The following METTL16 variants were observed in gnomAD, a reference collection of about 807,000 sequenced individuals.
METTL16 encodes the protein RNA N(6)-adenosine-methyltransferase METTL16.
Under a neutral mutation model 57.9 loss-of-function variants are expected in METTL16, and 19 were observed. The ratio of observed to expected loss-of-function variants is 0.33; its 90% CI spans 0.23 to 0.48. The LOEUF is 0.48. METTL16 is among the 20% of genes least tolerant of loss of function. The pLI, the probability that METTL16 is intolerant of heterozygous loss-of-function variation, is 0.99. For synonymous variants in METTL16, 246 were observed against 255.6 expected (o/e 0.96, Z 0.36); for missense variants, 434 against 691.5 (o/e 0.63, Z 4.18).
rs911702852 is a variant in METTL16, at chr17:2,497,815, C to A, written c.128+4389G>T. Among the ~76,000 whole-genome samples, 21 of 151,436 alleles carry A rather than the reference C, an allele frequency of 1.4e-4. 1 individual carries two copies. Among genetic ancestry groups the A allele is most frequent in the Admixed American group, 1.0e-3 (16 of 15,240 alleles). On this transcript the variant is annotated intron_variant, in intron 2 of 9. Transcript: ENST00000263092. ...GATCATGGTTCACTGCAGCCTTGACCCCCTGGGCTCAAGCAGTCCTCCTGC... is the reference window on the plus strand; with the variant it reads ...GATCATGGTTCACTGCAGCCTTGACACCCTGGGCTCAAGCAGTCCTCCTGC...
chr17:2,454,568 T>TA (rs1291489353), intron 6 of METTL16, among the ~76,000 whole-genome samples: 1 of 146,676 alleles, frequency 6.8e-6, no homozygotes, highest in Non-Finnish European at 1.5e-5. Context: ...TTATTATTTT[T>TA]TTTTTTTTTT....
Position 2,442,393 on chromosome 17 carries a change from T to A in METTL16, c.729-834A>T, listed in dbSNP as rs571190421. On this transcript the variant is annotated intron_variant, in intron 6 of 9. Coordinates refer to ENST00000263092, the MANE Select transcript of METTL16 (RefSeq NM_024086.4). ...ATTCAAACACAGTCCAACGTCTTGC[T>A]GAGTTGATGAGACACAGATCAAAGT... is the stretch of plus-strand genomic sequence containing the variant. Among the ~76,000 whole-genome samples the A allele has an allele frequency of 3.3e-5, 5 of 152,174 alleles. No homozygotes were observed. In the South Asian group the frequency reaches 1.0e-3, roughly 32 times the overall value.
chr17:2,470,724 T>C (rs1597459755), intron 4 of METTL16, among the ~76,000 whole-genome samples: 1 of 152,274 alleles, frequency 6.6e-6, no homozygotes, highest in African/African-American at 2.4e-5. Context: ...GGCTGGATGA[T>C]TACCTGAACA....
rs1015994601 is a variant in METTL16 at position 2,416,217 on chromosome 17, G to A, written c.*3753C>T. The A allele has an allele frequency of 5.9e-5, 9 of 152,264 alleles. No individual in the cohort carries two copies. The East Asian group carries it at 1.4e-3, about 23-fold the overall frequency. The allele number at this position is 152,264 out of a possible 1,614,324, so 9.4% of individuals were successfully genotyped here. A position where few individuals can be genotyped will look rare whatever the true frequency, so the allele number is the denominator to read the frequency against. Reference sequence around the variant, plus strand: ...AAGGCGCTTTGATAAAAGGGCCAAGGGTGCCCTCGTGTGGCCACGGAGGGA... The same window carrying A: ...AAGGCGCTTTGATAAAAGGGCCAAGAGTGCCCTCGTGTGGCCACGGAGGGA... On this transcript the variant is annotated 3_prime_UTR_variant, in exon 10 of 10. Transcript: ENST00000263092.
chr17:2,472,085 G>A (rs979343746), intron 4 of METTL16, among the ~76,000 whole-genome samples: 1 of 151,158 alleles, frequency 6.6e-6, no homozygotes, highest in Non-Finnish European at 1.5e-5. Context: ...TTGCATTCCA[G>A]CCTGGGGAAC....
rs768360616 is a variant in METTL16 at position 2,502,293 on chromosome 17, G to A, written c.39C>T (p.Tyr13=). 2 of 1,613,710 alleles carry A rather than the reference G, an allele frequency of 1.2e-6. No homozygotes were observed. Among genetic ancestry groups the A allele is most frequent in the South Asian group, 2.2e-5 (2 of 91,068 alleles). ...ATGCAAAGTCAGGAGGTTTGTCCTT[G>A]TATCTATTTCTTGCATGCATTGATT... The part of the protein sequence containing the change: ...LSKSMHARNR[Y]KDKPPDFAYL... Residue 13 remains tyrosine, a synonymous_variant, in exon 2 of 10, where the codon TAC becomes TAT. Transcript: ENST00000263092.
intron 1 of METTL16, among the ~76,000 whole-genome samples, chr17:2,507,036 T>G (rs1233476681): frequency 6.5e-4 from 92 of 141,680 alleles, no homozygotes; most frequent in African/African-American, 2.4e-3. Flanking sequence ...GAAGTGAGGA[T>G]CGTCTCCACC....
At chr17:2,470,921 A>C (rs1032203341) in intron 4 of METTL16, among the ~76,000 whole-genome samples, 2 of 152,368 alleles carry the variant, frequency 1.3e-5, no homozygotes, top group South Asian at 4.1e-4. Flanking sequence ...ACAATACTGA[A>C]AGAGAAGAGG....
intron 3 of METTL16, among the ~76,000 whole-genome samples, chr17:2,477,212 G>C (rs1165055350): frequency 6.6e-6 from 1 of 151,930 alleles, no homozygotes; most frequent in East Asian, 1.9e-4. Flanking sequence ...AAAATGAAAA[G>C]CTATATAAAT....
At chr17:2,447,694 G>A (rs534648002) in intron 6 of METTL16, among the ~76,000 whole-genome samples, 44 of 140,808 alleles carry the variant, frequency 3.1e-4, no homozygotes, top group African/African-American at 1.0e-3. Context: ...CGCCCCGTCC[G>A]GGAGGGGGGA....
intron 2 of METTL16, among the ~76,000 whole-genome samples, chr17:2,486,985 C>T (rs1364702057): frequency 5.1e-5 from 5 of 97,626 alleles, no homozygotes; most frequent in African/African-American, 2.1e-4. Flanking sequence ...GCCTGGGCAA[C>T]AGAGTGAGAT....
rs2066761389 is a variant in METTL16 at position 2,420,958 on chromosome 17, C to A, written c.889-54G>T. The stretch of plus-strand genomic sequence containing the variant: ...GAAGAAAGTTATCCGAATAATTAAA[C>A]CTCATGCATTGTAATGAACTCAGAG... On this transcript the variant is annotated intron_variant, in intron 8 of 9. Coordinates refer to ENST00000263092, the MANE Select transcript of METTL16 (RefSeq NM_024086.4). This position sits in a 1 kb window ranked among gnomAD's most constrained non-coding sequence, Gnocchi z 5.4. 2 of 1,576,700 alleles carry A rather than the reference C, an allele frequency of 1.3e-6. No individual in the cohort carries two copies. The highest frequency in any genetic ancestry group is 1.8e-5 in the Admixed American group (1 of 54,138).
rs142534544 is a variant in METTL16 at position 2,430,698 on chromosome 17, G to A, written c.888+7411C>T. Among the ~76,000 whole-genome samples, 228 of 152,036 alleles carry A rather than the reference G, an allele frequency of 1.5e-3. 1 individual carries two copies. Among genetic ancestry groups the A allele is most frequent in the African/African-American group, 5.3e-3 (219 of 41,508 alleles). On this transcript the variant is annotated intron_variant, in intron 8 of 9. Transcript: ENST00000263092. ...CTCCTAAAGTGCTGGGATTACAGGCGTGAGCCACCGCGCCCAGCCTAGATA... is the reference window on the plus strand; with the variant it reads ...CTCCTAAAGTGCTGGGATTACAGGCATGAGCCACCGCGCCCAGCCTAGATA...
At chr17:2,487,589 C>T (rs1030056932) in intron 2 of METTL16, among the ~76,000 whole-genome samples, 1 of 152,158 alleles carries the variant, frequency 6.6e-6, no homozygotes, top group Non-Finnish European at 1.5e-5. Flanking sequence ...AGCAGAGTGA[C>T]CTGCTGCTCA....
Position 2,498,987 on chromosome 17 carries a change from T to C in METTL16, c.128+3217A>G, listed in dbSNP as rs189952754. On this transcript the variant is annotated intron_variant, in intron 2 of 9. Coordinates refer to ENST00000263092, the MANE Select transcript of METTL16 (RefSeq NM_024086.4). ...GCTGCCTCTGCCTGGAATACTCTTC[T>C]TTCTACCTGGCTCACTCCACTCATT... Among the ~76,000 whole-genome samples the C allele has an allele frequency of 6.2e-4, 94 of 151,768 alleles. 1 individual carries two copies. The highest frequency in any genetic ancestry group is 2.2e-3 in the African/African-American group (91 of 41,068).
intron 5 of METTL16, among the ~76,000 whole-genome samples, chr17:2,465,616 A>T (rs2067188295): frequency 6.6e-6 from 1 of 151,048 alleles, no homozygotes; most frequent in Non-Finnish European, 1.5e-5. Flanking sequence ...TAATCCTAGC[A>T]TCTGGGGAGG....
At chr17:2,458,027 G>A (rs751533115) in intron 6 of METTL16, among the ~76,000 whole-genome samples, 8 of 151,996 alleles carry the variant, frequency 5.3e-5, no homozygotes, top group Admixed American at 1.3e-4. Context: ...CCACAGGCAC[G>A]TGCAACCATA....
chr17:2,444,689 G>T (rs1401395749), intron 6 of METTL16, among the ~76,000 whole-genome samples: 1 of 150,908 alleles, frequency 6.6e-6, no homozygotes, highest in African/African-American at 2.4e-5. Flanking sequence ...TCCACTCATG[G>T]TAAGTGCCCT....
At chr17:2,465,227 C>T (rs1000403052) in intron 5 of METTL16, among the ~76,000 whole-genome samples, 13 of 152,008 alleles carry the variant, frequency 8.6e-5, no homozygotes, top group African/African-American at 2.7e-4. Context: ...CCACTTTTTA[C>T]CCACTAGGAT....
Sources: allele counts gnomAD v4.1 joint callset (sites outside exome capture counted in the v4.1 genomes callset), GRCh38; gene constraint gnomAD v4.1.1; non-coding constraint Gnocchi (gnomAD v3.1); transcripts MANE v1.5; gene names NCBI Gene and HGNC (gene_info 2026-07-23, HGNC 2026-07-21).